The following CSMD1 variants were observed in gnomAD, a reference collection of about 807,000 sequenced individuals.
CSMD1 encodes CUB and Sushi multiple domains 1.
In CSMD1, 213 loss-of-function variants were observed where a neutral mutation model predicts 417.5. The ratio of observed to expected loss-of-function variants is 0.51; its 90% confidence interval spans 0.46 to 0.57. The LOEUF is 0.57. Ranked by LOEUF, CSMD1 falls within the 20% of genes least tolerant of loss-of-function variation. The pLI is 0.00. For missense variants in CSMD1, 6,923 were observed against 4,529.7 expected (o/e 1.53, Z -15.17); for synonymous variants, 2,862 against 1,736.8 (o/e 1.65, Z -16.11).
intron 49 of CSMD1, among the ~76,000 whole-genome samples, chr8:3,067,328 T>G (rs1327849759): frequency 3.3e-5 from 5 of 152,138 alleles, no homozygotes. Context: ...GCCCATCTTT[T>G]GACCTCGATG....
At chr8:4,324,527 C>A (rs150763918) in intron 3 of CSMD1, among the ~76,000 whole-genome samples, 34 of 152,274 alleles carry the variant, frequency 2.2e-4, no homozygotes, top group Non-Finnish European at 4.4e-4. Context: ...TTCTCCACCC[C>A]CAGGAGGTGC....
intron 5 of CSMD1, among the ~76,000 whole-genome samples, chr8:3,877,242 C>G (rs924141921): frequency 6.6e-6 from 1 of 152,094 alleles, no homozygotes; most frequent in African/African-American, 2.4e-5. Flanking sequence ...TGAGACCTGC[C>G]TACAGTGAGC....
intron 1 of CSMD1, among the ~76,000 whole-genome samples, chr8:4,668,182 A>G (rs903282032): frequency 1.3e-5 from 2 of 152,122 alleles, no homozygotes; most frequent in African/African-American, 4.8e-5. Context: ...GGATTTGAGT[A>G]TAATAACTTC....
chr8:3,575,085 G>T lies in CSMD1; in HGVS notation c.1223-19C>A. ...GTTCTCGCTGGAAACACATAGAAAC[G>T]ACGTTATTTTCTACAACATTGTGTC... On this transcript the variant is annotated intron_variant, in intron 9 of 69. Transcript: ENST00000635120. 2 of 1,609,468 alleles carry T rather than the reference G, an allele frequency of 1.2e-6. No homozygotes were observed. The highest frequency in any genetic ancestry group is 1.7e-6 in the Non-Finnish European group (2 of 1,177,786).
At chr8:4,716,332 T>A (rs1481547493) in intron 1 of CSMD1, among the ~76,000 whole-genome samples, 2 of 152,188 alleles carry the variant, frequency 1.3e-5, no homozygotes, top group Admixed American at 6.5e-5. Context: ...GGAAATGTCT[T>A]CTTCAAGAGA....
intron 42 of CSMD1, among the ~76,000 whole-genome samples, chr8:3,116,889 G>A (rs944665730): frequency 2.6e-5 from 4 of 151,878 alleles, no homozygotes; most frequent in South Asian, 4.2e-4. Context: ...TTTCTAGAAC[G>A]GAAAGTAGAC....
rs56337416 is a variant in CSMD1, at chr8:4,486,254, T to C, written c.303-66189A>G. On this transcript the variant is annotated intron_variant, in intron 2 of 69. Coordinates refer to ENST00000635120, the MANE Select transcript of CSMD1 (RefSeq NM_033225.6). Reference sequence around the variant, plus strand: ...ACATATATATATATATACATACATATATATATATATATATATATATATACG... The same window carrying C: ...ACATATATATATATATACATACATACATATATATATATATATATATATACG... 3.0e-3 allele frequency among the ~76,000 whole-genome samples: 47 copies of C among 15,632 alleles called. 1 individual carries two copies. Among genetic ancestry groups the C allele is most frequent in the African/African-American group, 8.7e-3 (39 of 4,490 alleles). The allele number at this position is 15,632 out of a possible 152,430, so 10.3% of individuals were successfully genotyped here.
intron 11 of CSMD1, among the ~76,000 whole-genome samples, chr8:3,477,969 T>C (rs186507175): frequency 1.2e-3 from 188 of 152,362 alleles, no homozygotes; most frequent in African/African-American, 4.3e-3. Context: ...GTGCTTTCAT[T>C]GAATAAATAA....
chr8:4,810,571 G>A (rs180840115), intron 1 of CSMD1, among the ~76,000 whole-genome samples: 1 of 152,280 alleles, frequency 6.6e-6, no homozygotes, highest in East Asian at 1.9e-4. Context: ...GTATGTGGGG[G>A]GTGGTGGCTG....
chr8:3,874,452 G>T lies in CSMD1; in HGVS notation c.819-120410C>A, dbSNP rs138978929. 8.3e-3 allele frequency among the ~76,000 whole-genome samples: 1,259 copies of T among 152,246 alleles called. 21 individuals are homozygous for T. Among genetic ancestry groups the T allele is most frequent in the African/African-American group, 0.029 (1,191 of 41,544 alleles). The stretch of plus-strand genomic sequence containing the variant: ...AAACTAAGTAATCAGAAACCAGAAA[G>T]CTCAGACTTCAGTGCTTGAACTTTT... On this transcript the variant is annotated intron_variant, in intron 5 of 69. Coordinates refer to ENST00000635120, the MANE Select transcript of CSMD1 (RefSeq NM_033225.6).
At chr8:4,756,800 G>A (rs1450485194) in intron 1 of CSMD1, among the ~76,000 whole-genome samples, 1 of 152,156 alleles carries the variant, frequency 6.6e-6, no homozygotes, top group Non-Finnish European at 1.5e-5. Flanking sequence ...TATTTTCTAT[G>A]TCTGCTGGAT....
intron 3 of CSMD1, among the ~76,000 whole-genome samples, chr8:4,067,514 C>T (rs1204627280): frequency 6.6e-6 from 1 of 151,838 alleles, no homozygotes; most frequent in Non-Finnish European, 1.5e-5. Flanking sequence ...TTTTTAAATG[C>T]ATTTAACTTA....
At chr8:4,873,033 C>G (rs370101192) in intron 1 of CSMD1, among the ~76,000 whole-genome samples, 1 of 151,966 alleles carries the variant, frequency 6.6e-6, no homozygotes, top group Non-Finnish European at 1.5e-5. Flanking sequence ...GAAATGGTTA[C>G]CACAAATCGT....
At chr8:3,890,631 G>C (rs80087270) in intron 5 of CSMD1, among the ~76,000 whole-genome samples, 1,707 of 152,194 alleles carry the variant, frequency 0.011, 29 homozygotes, top group African/African-American at 0.04. Flanking sequence ...CGATTTCAGA[G>C]AAATGGAGCA....
intron 5 of CSMD1, among the ~76,000 whole-genome samples, chr8:3,971,389 T>A (rs529208959): frequency 2.6e-5 from 4 of 152,182 alleles, no homozygotes; most frequent in African/African-American, 9.7e-5. Context: ...ACTGTCCCTA[T>A]TAAGTTTTTA....
chr8:3,451,644 C>T lies in CSMD1; in HGVS notation c.1561+17068G>A, dbSNP rs571262769. Among the ~76,000 whole-genome samples the T allele has an allele frequency of 1.1e-4, 16 of 152,212 alleles. No homozygotes were observed. The East Asian group carries it at 3.1e-3, about 29-fold the overall frequency. Reference sequence around the variant, plus strand: ...TACTTGTAGATATATGGCATTATTTCTGAGGGCTCTGTTCTGTTCCATTGG... The same window carrying T: ...TACTTGTAGATATATGGCATTATTTTTGAGGGCTCTGTTCTGTTCCATTGG... On this transcript the variant is annotated intron_variant, in intron 12 of 69. Coordinates refer to ENST00000635120, the MANE Select transcript of CSMD1 (RefSeq NM_033225.6).
In CSMD1 at chr8:3,963,147, G is replaced by C. The variant is rs114761718; in HGVS notation, c.818+34756C>G. Among the ~76,000 whole-genome samples, 616 of 152,250 alleles carry C rather than the reference G, an allele frequency of 4.0e-3. 7 individuals are homozygous for C. The highest frequency in any genetic ancestry group is 0.014 in the African/African-American group (594 of 41,540). On this transcript the variant is annotated intron_variant, in intron 5 of 69. Coordinates refer to ENST00000635120, the MANE Select transcript of CSMD1 (RefSeq NM_033225.6). ...GGGTTTTACCATGTTGGCTAGGCTT[G>C]ACTCAAACTCCTGACCTCCAGTAAC...
chr8:3,766,866 A>T (rs1433565308), intron 5 of CSMD1, among the ~76,000 whole-genome samples: 1 of 152,002 alleles, frequency 6.6e-6, no homozygotes, highest in East Asian at 1.9e-4. Context: ...TTTTCTAGCA[A>T]ATTTCTTATA....
intron 5 of CSMD1, among the ~76,000 whole-genome samples, chr8:3,879,278 T>C (rs1247365725): frequency 6.6e-6 from 1 of 152,188 alleles, no homozygotes; most frequent in Non-Finnish European, 1.5e-5. Flanking sequence ...CATCAATATG[T>C]ATCAATATCA....
Sources: allele counts gnomAD v4.1 joint callset (sites outside exome capture counted in the v4.1 genomes callset), GRCh38; gene constraint gnomAD v4.1.1; transcripts MANE v1.5; gene names NCBI Gene and HGNC (gene_info 2026-07-23, HGNC 2026-07-21).